Variants in DCHS2 observed in about 807,000 individuals in gnomAD.
The protein encoded by DCHS2 is dachsous cadherin-related 2.
In DCHS2, 142 loss-of-function variants were observed where a neutral mutation model predicts 182.4. The ratio of observed to expected loss-of-function variants is 0.78; its 90% CI spans 0.68 to 0.89. DCHS2 has a LOEUF of 0.89. DCHS2 is among the 40% of genes least tolerant of loss of function. DCHS2 has a pLI of 0.00. For missense variants in DCHS2, 4,319 were observed against 4,198.6 expected (o/e 1.03, Z -0.79); for synonymous variants, 1,740 against 1,663.3 (o/e 1.05, Z -1.12).
intron 1 of DCHS2, among the ~76,000 whole-genome samples, chr4:154,417,194 T>A (rs866937805): frequency 0.036 from 3,163 of 87,680 alleles, 63 homozygotes; most frequent in Non-Finnish European, 0.054. Flanking sequence ...TGTGTGTGTG[T>A]GTGTGTGTGT....
At chr4:154,473,405 T>C (rs892777475) in intron 1 of DCHS2, among the ~76,000 whole-genome samples, 7 of 152,190 alleles carry the variant, frequency 4.6e-5, no homozygotes, top group Admixed American at 4.6e-4. Context: ...GAAGTTACTA[T>C]GCTATCAAGA....
chr4:154,489,193 T>G, intron 1 of DCHS2, 111 bp downstream of exon 1: 1 of 936,268 alleles, frequency 1.1e-6, no homozygotes, highest in East Asian at 2.7e-5. Context: ...GCCAGTCTTG[T>G]ATTTGAGAGC....
chr4:154,463,168 T>TAC (rs1735088483), intron 1 of DCHS2, among the ~76,000 whole-genome samples: 1 of 60,684 alleles, frequency 1.6e-5, no homozygotes. Flanking sequence ...TGTGTGTATA[T>TAC]ATATATACAC....
At chr4:154,447,579 A>T (rs1734355021) in intron 1 of DCHS2, among the ~76,000 whole-genome samples, 1 of 152,168 alleles carries the variant, frequency 6.6e-6, no homozygotes, top group Non-Finnish European at 1.5e-5. Flanking sequence ...TGGATTCTCC[A>T]TACTGAATTT....
chr4:154,326,382 A>G (rs1736283400), intron 7 of DCHS2, among the ~76,000 whole-genome samples: 1 of 151,998 alleles, frequency 6.6e-6, no homozygotes, highest in African/African-American at 2.4e-5. Context: ...TCTTTTCCCA[A>G]CTTGTGACTT....
chr4:154,323,181 T>C (rs1232759000), intron 7 of DCHS2: 2 of 1,547,780 alleles, frequency 1.3e-6, no homozygotes, highest in Admixed American at 3.9e-5. Context: ...CATAATATGT[T>C]CCTCTATTCT....
chr4:154,281,491 T>C (rs1734142447), intron 13 of DCHS2, among the ~76,000 whole-genome samples: 1 of 152,130 alleles, frequency 6.6e-6, no homozygotes, highest in African/African-American at 2.4e-5. Context: ...AAAATATTAA[T>C]ACGTTGAAAA....
chr4:154,343,077 T>C (rs1479825171), intron 3 of DCHS2, among the ~76,000 whole-genome samples: 1 of 152,172 alleles, frequency 6.6e-6, no homozygotes, highest in African/African-American at 2.4e-5. Context: ...GCATTGTCAG[T>C]GAGCAGTAAT....
intron 1 of DCHS2, among the ~76,000 whole-genome samples, chr4:154,479,975 C>T (rs1735856592): frequency 6.6e-6 from 1 of 152,130 alleles, no homozygotes; most frequent in Non-Finnish European, 1.5e-5. Flanking sequence ...TGTTTATACA[C>T]AATGTAACAG....
chr4:154,387,003 A>C (rs903511438), intron 1 of DCHS2, among the ~76,000 whole-genome samples: 3 of 152,218 alleles, frequency 2.0e-5, no homozygotes, highest in Non-Finnish European at 4.4e-5. Context: ...ATCTCAAAGC[A>C]TGTGGAACTA....
At chr4:154,242,495 T>C in intron 17 of DCHS2, 147 bp downstream of exon 17, 1 of 1,200,130 alleles carries the variant, frequency 8.3e-7, no homozygotes, top group Non-Finnish European at 1.1e-6. Context: ...ATCCATTTTT[T>C]TGTTCTGCAA....
Position 154,362,165 on chromosome 4 carries a change from C to A in DCHS2, c.2476+4045G>T, listed in dbSNP as rs568742370. ...CTTGAACAATTCCCATTGTCAAGGC[C>A]AGACAGGTATTCTGGAAGAGAATAG... On this transcript the variant is annotated intron_variant, in intron 3 of 19. Transcript: ENST00000357232. 2.6e-5 allele frequency among the ~76,000 whole-genome samples: 4 copies of A among 152,126 alleles called. No individual in the cohort carries two copies. In the South Asian group the frequency reaches 8.3e-4, roughly 32 times the overall value.
chr4:154,377,572 G>T, intron 1 of DCHS2, 128 bp from the exon 2 acceptor site: 1 of 644,916 alleles, frequency 1.6e-6, no homozygotes. Context: ...CTAGGCTTTG[G>T]TTTCATATCT....
chr4:154,389,332 A>T (rs151089675), intron 1 of DCHS2, among the ~76,000 whole-genome samples: 1 of 151,968 alleles, frequency 6.6e-6, no homozygotes, highest in Non-Finnish European at 1.5e-5. Flanking sequence ...CCCTGATCTA[A>T]AGCATAAGAA....
rs757813658 is a variant in DCHS2 at position 154,240,764 on chromosome 4, C to T, written c.7132G>A (p.Ala2378Thr). Residue 2378 changes from alanine to threonine, a missense_variant, in exon 18 of 20, where the codon GCT (alanine) becomes ACT (threonine). Ala to Thr is a moderately conservative substitution (Grantham distance 58, BLOSUM62 0). Transcript: ENST00000357232. ...TCTTTGGCAAAACTGAATATGAAAG[C>T]TGAATTCAAATCCACATCATGAACT... Reference protein sequence around the residue: ...VSVHDVDLNSAFIFSFAKESN... With the variant: ...VSVHDVDLNSTFIFSFAKESN... The T allele has an allele frequency of 6.2e-7, 1 of 1,613,896 alleles. No individual in the cohort carries two copies. Among genetic ancestry groups the T allele is most frequent in the Non-Finnish European group, 8.5e-7 (1 of 1,179,882 alleles).
rs139742224 is a variant in DCHS2 at position 154,307,696 on chromosome 4, A to G, written c.5261-2465T>C. ...ATCTCTTTACTCCATTTGAATATCC[A>G]ACAGATGGCTGGGGCTACAGAAAAT... is the stretch of plus-strand genomic sequence containing the variant. On this transcript the variant is annotated intron_variant, in intron 10 of 19. Coordinates refer to ENST00000357232, the MANE Select transcript of DCHS2 (RefSeq NM_001358235.2). 6.6e-3 allele frequency among the ~76,000 whole-genome samples: 1,011 copies of G among 152,310 alleles called. 11 individuals are homozygous for G. Among genetic ancestry groups the G allele is most frequent in the African/African-American group, 0.023 (947 of 41,572 alleles).
chr4:154,246,747 T>C (rs538817570), intron 16 of DCHS2, among the ~76,000 whole-genome samples: 1 of 152,130 alleles, frequency 6.6e-6, no homozygotes, highest in South Asian at 2.1e-4. Flanking sequence ...AACAAATATA[T>C]AATATCCTCT....
At chr4:154,243,906 G>T (rs941380171) in intron 16 of DCHS2, among the ~76,000 whole-genome samples, 2 of 152,034 alleles carry the variant, frequency 1.3e-5, no homozygotes, top group African/African-American at 4.8e-5. Flanking sequence ...TTGAAAACCT[G>T]ACCTCCCTAT....
At chr4:154,378,493 G>GTGGGA (rs1731016184) in intron 1 of DCHS2, among the ~76,000 whole-genome samples, 32 of 119,252 alleles carry the variant, frequency 2.7e-4, no homozygotes, top group Admixed American at 2.3e-3. Context: ...AGGAGGGAGG[G>GTGGGA]AGGGTGGGAA....
Sources: gnomAD v4.1 joint callset for allele counts (sites outside exome capture counted in the v4.1 genomes callset) on GRCh38, gnomAD v4.1.1 for gene constraint, MANE v1.5 for transcripts, NCBI Gene and HGNC (gene_info 2026-07-23, HGNC 2026-07-21) for gene names.